The following LIPC variants were observed in gnomAD, a reference collection of about 807,000 sequenced individuals.
The protein encoded by LIPC is hepatic triacylglycerol lipase.
LIPC carries 44 observed loss-of-function variants against 50.7 expected under a neutral mutation model. That is an observed-to-expected ratio of 0.87 (90% CI 0.68 to 1.11). The LOEUF (loss-of-function observed/expected upper bound fraction) is 1.11. Among genes scored for constraint, LIPC ranks in the 50% most tolerant of loss-of-function variants. The pLI is 0.00. For synonymous variants in LIPC, 271 were observed against 256.4 expected, an observed-to-expected ratio of 1.06 and a Z score of -0.54; for missense variants, 697 against 648.2, an observed-to-expected ratio of 1.08 and a Z score of -0.82.
Position 58,485,725 on chromosome 15 carries a change from T to C in LIPC, c.89-52608T>C, listed in dbSNP as rs551213866. Reference sequence around the variant, plus strand: ...TCAGAGAAGTTCCAAAGCTGCCCTGTCATTTGTGGCATAAGCGAGAGAGCC... The same window carrying C: ...TCAGAGAAGTTCCAAAGCTGCCCTGCCATTTGTGGCATAAGCGAGAGAGCC... On this transcript the variant is annotated intron_variant, in intron 1 of 8. Coordinates refer to ENST00000299022, the MANE Select transcript of LIPC (RefSeq NM_000236.3). Among the ~76,000 whole-genome samples the C allele has an allele frequency of 3.9e-4, 60 of 152,348 alleles. No individual in the cohort carries two copies. In the South Asian group the frequency reaches 0.012, roughly 32 times the overall value.
At chr15:58,559,728 C>T (rs1245052704) in intron 6 of LIPC, among the ~76,000 whole-genome samples, 2 of 148,994 alleles carry the variant, frequency 1.3e-5, no homozygotes, top group South Asian at 4.2e-4. Flanking sequence ...AAAAAAAACC[C>T]AAAACAAAAA....
chr15:58,557,687 A>G (rs540905325), intron 6 of LIPC, among the ~76,000 whole-genome samples: 2 of 152,178 alleles, frequency 1.3e-5, no homozygotes, highest in South Asian at 4.1e-4. Flanking sequence ...GCCCGGCCTC[A>G]TTATATGCTT....
In LIPC at chr15:58,527,309, C is replaced by T. The variant is rs193029556; in HGVS notation, c.89-11024C>T. On this transcript the variant is annotated intron_variant, in intron 1 of 8. Coordinates refer to ENST00000299022, the MANE Select transcript of LIPC (RefSeq NM_000236.3). ...AGGATAGGAACCGCTGTGCTGCAGA[C>T]CCCAGGGTCAGGCAAGTCTCAAAGA... Among the ~76,000 whole-genome samples the T allele has an allele frequency of 4.5e-3, 690 of 152,210 alleles. 3 individuals carry two copies. The highest frequency in any genetic ancestry group is 0.016 in the African/African-American group (670 of 41,524).
At chr15:58,546,483 G>C (rs1893535123) in intron 5 of LIPC, among the ~76,000 whole-genome samples, 1 of 152,170 alleles carries the variant, frequency 6.6e-6, no homozygotes. Flanking sequence ...GGGAAATTCA[G>C]CTTCAAATAT....
rs192487951 is a variant in LIPC, at chr15:58,560,368, C to T, written c.1052-496C>T. 1.7e-4 allele frequency among the ~76,000 whole-genome samples: 26 copies of T among 152,288 alleles called. No homozygotes were observed. The East Asian group carries it at 2.7e-3, about 16-fold the overall frequency. On this transcript the variant is annotated intron_variant, in intron 6 of 8. Coordinates refer to ENST00000299022, the MANE Select transcript of LIPC (RefSeq NM_000236.3). The stretch of plus-strand genomic sequence containing the variant: ...TCCAGGAACTGCCCCGGAATATAAA[C>T]GCTTGGTCACTAGGGCATATATTTC...
chr15:58,546,892 C>A (rs1893548888), intron 5 of LIPC, among the ~76,000 whole-genome samples: 1 of 152,146 alleles, frequency 6.6e-6, no homozygotes, highest in African/African-American at 2.4e-5. Flanking sequence ...CCGCCCAGGC[C>A]TGAGAGAGCC....
intron 7 of LIPC, among the ~76,000 whole-genome samples, chr15:58,561,531 CA>C (rs1894162327): frequency 6.6e-6 from 1 of 152,170 alleles, no homozygotes; most frequent in South Asian, 2.1e-4. Context: ...TGTTTCTTAT[CA>C]GACTTAAAAA....
At chr15:58,450,607 T>C (rs1893866560) in intron 1 of LIPC, among the ~76,000 whole-genome samples, 1 of 152,220 alleles carries the variant, frequency 6.6e-6, no homozygotes, top group Admixed American at 6.5e-5. Flanking sequence ...TGTGGATCTA[T>C]GTATTTTGGA....
chr15:58,561,950 G>C (rs1367394952), intron 7 of LIPC, among the ~76,000 whole-genome samples: 1 of 152,144 alleles, frequency 6.6e-6, no homozygotes, highest in African/African-American at 2.4e-5. Context: ...TGGTTGGAGG[G>C]CTTAGAATTT....
chr15:58,434,220 G>A (rs1318491192), intron 1 of LIPC, among the ~76,000 whole-genome samples: 1 of 151,956 alleles, frequency 6.6e-6, no homozygotes, highest in Non-Finnish European at 1.5e-5. Flanking sequence ...TAGTGCAGAG[G>A]CTGAGAAACC....
chr15:58,534,459 C>G (rs1207111785), intron 1 of LIPC, among the ~76,000 whole-genome samples: 4 of 152,204 alleles, frequency 2.6e-5, no homozygotes, highest in South Asian at 2.1e-4. Flanking sequence ...CCCTGCCTCC[C>G]TCAGTCCTAG....
At chr15:58,525,831 C>T (rs370183951) in intron 1 of LIPC, among the ~76,000 whole-genome samples, 1 of 152,168 alleles carries the variant, frequency 6.6e-6, no homozygotes, top group Non-Finnish European at 1.5e-5. Flanking sequence ...GCAGAAGAAC[C>T]CTTCAAGGAG....
chr15:58,531,045 G>C (rs911283910), intron 1 of LIPC, among the ~76,000 whole-genome samples: 1 of 152,188 alleles, frequency 6.6e-6, no homozygotes, highest in African/African-American at 2.4e-5. Flanking sequence ...CCTATAGTAA[G>C]TGTACATTTG....
chr15:58,452,941 G>A (rs753070402), intron 1 of LIPC, among the ~76,000 whole-genome samples: 4 of 152,226 alleles, frequency 2.6e-5, no homozygotes, highest in Non-Finnish European at 2.9e-5. Flanking sequence ...ATGTGGATGT[G>A]GTTTTCTGAG....
In LIPC at chr15:58,565,038, C is replaced by G. The variant is rs1281952348; in HGVS notation, c.1388+1315C>G. 6.1e-6 allele frequency: 4 copies of G among 657,036 alleles called. No individual in the cohort carries two copies. The African/African-American group carries it at 7.2e-5, about 12-fold the overall frequency. 40.7% of individuals were successfully genotyped at this position (657,036 alleles called of 1,614,324 possible). A position where few individuals can be genotyped will look rare whatever the true frequency, so the allele number is the denominator to read the frequency against. On this transcript the variant is annotated intron_variant, in intron 8 of 8. Coordinates refer to ENST00000299022, the MANE Select transcript of LIPC (RefSeq NM_000236.3). The stretch of plus-strand genomic sequence containing the variant: ...TCTGAACTACCCTCTTCCGTCACCC[C>G]CTGGGTTTCACTGCCAGATGCCGGC...
intron 6 of LIPC, among the ~76,000 whole-genome samples, chr15:58,557,171 G>C (rs1025302972): frequency 2.6e-5 from 4 of 152,126 alleles, no homozygotes; most frequent in African/African-American, 7.2e-5. Flanking sequence ...TGTGTGAGCC[G>C]ACGCCCCAGC....
intron 1 of LIPC, among the ~76,000 whole-genome samples, chr15:58,474,331 A>G (rs1340051039): frequency 2.0e-5 from 3 of 152,110 alleles, no homozygotes; most frequent in Non-Finnish European, 4.4e-5. Flanking sequence ...CAGCCGGGCA[A>G]TATAAAGAGA....
At chr15:58,465,671 AGGCCTAGGAAGTCAGCTGG>A (rs1300996562) in intron 1 of LIPC, among the ~76,000 whole-genome samples, 1 of 152,170 alleles carries the variant, frequency 6.6e-6, no homozygotes, top group Non-Finnish European at 1.5e-5. Context: ...AGGCATTCAC[AGGCCTAGGAAGTCAGCTGG>A]GGCAGGAAGG....
At chr15:58,568,532 C>T (rs1352385663) in intron 8 of LIPC, among the ~76,000 whole-genome samples, 184 bp from the exon 9 acceptor site, 4 of 152,080 alleles carry the variant, frequency 2.6e-5, no homozygotes. Flanking sequence ...ACACTGATGG[C>T]TTTCACTGAC....
Sources: allele counts gnomAD v4.1 joint callset (sites outside exome capture counted in the v4.1 genomes callset), GRCh38; gene constraint gnomAD v4.1.1; transcripts MANE v1.5; gene names NCBI Gene and HGNC (gene_info 2026-07-23, HGNC 2026-07-21).